GSE1: variants seen among roughly 807,000 people sequenced by gnomAD.
GSE1 encodes genetic suppressor element 1.
A neutral mutation model predicts 112.6 loss-of-function variants in GSE1; 32 were observed. The observed-to-expected ratio is 0.28, with a 90% CI of 0.21 to 0.38. The LOEUF (loss-of-function observed/expected upper bound fraction) is 0.38. GSE1 is among the 10% of genes least tolerant of loss of function. The pLI, the probability that GSE1 is intolerant of heterozygous loss-of-function variation, is 1.00. For synonymous variants in GSE1, 1,115 were observed against 735.6 expected, an observed-to-expected ratio of 1.52 and a Z score of -8.35; for missense variants, 2,348 against 1,699.2, an observed-to-expected ratio of 1.38 and a Z score of -6.71.
intron 1 of GSE1, among the ~76,000 whole-genome samples, chr16:85,228,754 G>A (rs1195235080): frequency 1.3e-5 from 2 of 152,168 alleles, no homozygotes; most frequent in Non-Finnish European, 2.9e-5. Flanking sequence ...GAGGGCCAGC[G>A]GTGACATATG....
intron 2 of GSE1, among the ~76,000 whole-genome samples, chr16:85,522,162 T>G (rs1363180115): frequency 1.3e-5 from 2 of 152,164 alleles, no homozygotes; most frequent in African/African-American, 4.8e-5. Flanking sequence ...GGATGCCTTA[T>G]GAAGTGGGGC....
chr16:85,648,738 G>C lies in GSE1; in HGVS notation c.413G>C (p.Ser138Thr). 4.4e-6 allele frequency: 7 copies of C among 1,590,012 alleles called. No individual in the cohort carries two copies. The highest frequency in any genetic ancestry group is 5.1e-6 in the Non-Finnish European group (6 of 1,169,336). ...PTKTVNGVWR[S>T]ESRQDAGSRS... is the part of the protein sequence containing the mutation. ...AAAACCGTGAATGGTGTCTGGAGGA[G>C]TGAGAGCCGGCAGGTGAGTGGGGCG... The change falls in exon 3 of 16, where the codon AGT becomes ACT. Residue 138 changes from serine (S) to threonine (T), a missense_variant. Transcript: ENST00000253458.
chr16:85,550,133 CTGAGGGTCAAAA>C (rs2044852551), intron 2 of GSE1, among the ~76,000 whole-genome samples: 1 of 152,130 alleles, frequency 6.6e-6, no homozygotes, highest in Non-Finnish European at 1.5e-5. Context: ...GGTAAGGAAA[CTGAGGGTCAAAA>C]TGTTAATGTC....
At chr16:85,248,486 C>T (rs745652139) in intron 1 of GSE1, among the ~76,000 whole-genome samples, 8 of 151,972 alleles carry the variant, frequency 5.3e-5, no homozygotes, top group Non-Finnish European at 1.0e-4. Context: ...GTCTTTCTCT[C>T]TCCCTCCCTT....
intron 1 of GSE1, among the ~76,000 whole-genome samples, chr16:85,274,726 C>T (rs1207187932): frequency 6.6e-6 from 1 of 152,262 alleles, no homozygotes; most frequent in East Asian, 1.9e-4. Context: ...ACCCAGAGCG[C>T]TGGTCCAGGC....
At chr16:85,294,197 AC>A (rs2045299259) in intron 1 of GSE1, among the ~76,000 whole-genome samples, 1 of 151,254 alleles carries the variant, frequency 6.6e-6, no homozygotes, top group Admixed American at 6.6e-5. Context: ...CCTTCCCTCC[AC>A]CCCAGAGCAG....
chr16:85,313,332 C>A (rs1251693353), intron 1 of GSE1, among the ~76,000 whole-genome samples: 1 of 152,118 alleles, frequency 6.6e-6, no homozygotes. Context: ...AGACACCTGG[C>A]TTGACCTTGT....
At chr16:85,193,213 A>G (rs11646864) in intron 1 of GSE1, among the ~76,000 whole-genome samples, 24,635 of 152,178 alleles carry the variant, frequency 0.16, 2,209 homozygotes, top group Middle Eastern at 0.28. Context: ...CATTCATTCA[A>G]TTCTTCGGTG....
rs1428770947 is a variant in GSE1, at chr16:85,673,295, A to C, written c.*756A>C. The C allele has an allele frequency of 6.6e-6, 1 of 152,594 alleles. No individual in the cohort carries two copies. Among genetic ancestry groups the C allele is most frequent in the Non-Finnish European group, 1.5e-5 (1 of 68,034 alleles). The allele number at this position is 152,594 out of a possible 1,614,324, so 9.5% of individuals were successfully genotyped here. ...TTCATACAGACGTAAATTTTGAGAG[A>C]AAAGTCAAAGGTGCTTCAGCCTTGT... On this transcript the variant is annotated 3_prime_UTR_variant, in exon 16 of 16. Transcript: ENST00000253458.
chr16:85,220,209 A>C (rs12928372), intron 1 of GSE1, among the ~76,000 whole-genome samples: 37,704 of 152,184 alleles, frequency 0.25, 4,867 homozygotes, highest in East Asian at 0.34. Context: ...TGGGATTTCA[A>C]GAGCTCTTCC....
chr16:85,188,883 C>T (rs2074764715), intron 1 of GSE1, among the ~76,000 whole-genome samples: 1 of 151,798 alleles, frequency 6.6e-6, no homozygotes, highest in African/African-American at 2.4e-5. Flanking sequence ...TCTGTTCTTA[C>T]ATTCACCTTT....
Position 85,648,549 on chromosome 16 carries a change from CA to C in GSE1, c.227-2del. ...ACTCAGGCCACCGTCTTCTCCTCCACAGGGTCCTCACTGAGCAGCGAGTCGT... is the reference window on the plus strand; with the variant it reads ...ACTCAGGCCACCGTCTTCTCCTCCACGGGTCCTCACTGAGCAGCGAGTCGT... On this transcript the variant is annotated splice_acceptor_variant, in intron 2 of 15. Transcript: ENST00000253458. LOFTEE classifies it high-confidence loss of function. 1 of 1,520,882 alleles carries C rather than the reference CA, an allele frequency of 6.6e-7. No individual in the cohort carries two copies. The allele number at this position is 1,520,882 out of a possible 1,614,324, so 94.2% of individuals were successfully genotyped here. A position where few individuals can be genotyped will look rare whatever the true frequency, so the allele number is the denominator to read the frequency against.
intron 1 of GSE1, among the ~76,000 whole-genome samples, chr16:85,191,601 T>C (rs943120755): frequency 1.3e-5 from 2 of 152,174 alleles, no homozygotes; most frequent in South Asian, 4.1e-4. Flanking sequence ...GTACTTTCTA[T>C]CAAGTTGAGA....
upstream of GSE1, chr16:85,555,248 C>T: frequency 2.0e-6 from 2 of 985,432 alleles, no homozygotes; most frequent in Non-Finnish European, 2.4e-6. Flanking sequence ...GAGGGGCTCT[C>T]CACCGCCGTG....
chr16:85,363,033 C>G lies in GSE1; in HGVS notation c.2464+5390C>G, dbSNP rs146368387. On this transcript the variant is annotated intron_variant, in intron 2 of 2. Transcript: ENST00000637419. ...TTGTATTTTAATAGACATGGGGTTT[C>G]ACCATGTTGCCCAGGGTGGTTTCAA... 2.8e-3 allele frequency among the ~76,000 whole-genome samples: 430 copies of G among 152,228 alleles called. 2 individuals carry two copies. Among genetic ancestry groups the G allele is most frequent in the African/African-American group, 9.7e-3 (405 of 41,548 alleles).
intron 1 of GSE1, among the ~76,000 whole-genome samples, chr16:85,220,674 T>C (rs936127596): frequency 1.3e-5 from 2 of 152,312 alleles, no homozygotes; most frequent in African/African-American, 4.8e-5. Flanking sequence ...TTTGTCTCTG[T>C]CTTGCTGCCT....
At chr16:85,672,379 T>A in intron 15 of GSE1, 26 bp from the exon 16 acceptor site, 1 of 1,593,954 alleles carries the variant, frequency 6.3e-7, no homozygotes, top group Non-Finnish European at 8.6e-7. Flanking sequence ...ACGGGTTGGT[T>A]TTGACACAAA....
chr16:85,619,643 A>G (rs1307914291), intron 1 of GSE1, among the ~76,000 whole-genome samples: 1 of 152,204 alleles, frequency 6.6e-6, no homozygotes, highest in Non-Finnish European at 1.5e-5. Flanking sequence ...TTTAGTAACC[A>G]GATGGGAAAG....
chr16:85,435,643 G>A (rs954849859), intron 2 of GSE1, among the ~76,000 whole-genome samples: 3 of 152,116 alleles, frequency 2.0e-5, no homozygotes, highest in Non-Finnish European at 4.4e-5. Flanking sequence ...GGCTTGATGG[G>A]AATGTCTGAG....
Sources: allele counts gnomAD v4.1 joint callset (sites outside exome capture counted in the v4.1 genomes callset), GRCh38; gene constraint gnomAD v4.1.1; transcripts MANE v1.5; gene names NCBI Gene and HGNC (gene_info 2026-07-23, HGNC 2026-07-21).